The following MED21 variants were observed in gnomAD, a reference collection of about 807,000 sequenced individuals.
MED21 encodes the protein mediator of RNA polymerase II transcription subunit 21.
Under a neutral mutation model 18.2 loss-of-function variants are expected in MED21, and 9 were observed. The ratio of observed to expected loss-of-function variants is 0.49; its 90% CI spans 0.30 to 0.86. MED21 has a LOEUF of 0.86. Ranked by LOEUF, MED21 falls within the 40% of genes least tolerant of loss-of-function variation. MED21 has a pLI of 0.07. For missense variants in MED21, 150 were observed against 170.9 expected, an observed-to-expected ratio of 0.88 and a Z score of 0.68; for synonymous variants, 73 against 60.5, an observed-to-expected ratio of 1.21 and a Z score of -0.96.
intron 1 of MED21, among the ~76,000 whole-genome samples, chr12:27,024,913 A>G (rs1941523787): frequency 6.6e-6 from 1 of 152,224 alleles, no homozygotes. Flanking sequence ...AATAGGGGGA[A>G]TCTTCTTAGC....
intron 1 of MED21, among the ~76,000 whole-genome samples, chr12:27,026,170 A>G (rs1372599948): frequency 1.3e-5 from 2 of 152,248 alleles, no homozygotes; most frequent in African/African-American, 4.8e-5. Flanking sequence ...TTGTATTTCA[A>G]CTGTTTCAAC....
At chr12:27,030,967 G>A (rs1055732000), downstream of MED21, among the ~76,000 whole-genome samples, 54 of 152,308 alleles carry the variant, frequency 3.5e-4, no homozygotes, top group African/African-American at 1.1e-3. Flanking sequence ...GAGTGCAATG[G>A]CACGATCTTG....
downstream of MED21, among the ~76,000 whole-genome samples, chr12:27,034,821 G>A (rs1941639642): frequency 6.6e-6 from 1 of 152,088 alleles, no homozygotes; most frequent in Non-Finnish European, 1.5e-5. Context: ...CGTGATCTCG[G>A]CTCACTGCAA....
intron 1 of MED21, among the ~76,000 whole-genome samples, chr12:27,025,054 C>T (rs1452355856): frequency 6.6e-6 from 1 of 152,152 alleles, no homozygotes; most frequent in East Asian, 1.9e-4. Context: ...AGTTATTTTC[C>T]ATAAATTTTT....
chr12:27,023,192 C>G (rs11048819), intron 1 of MED21, among the ~76,000 whole-genome samples: 24,742 of 151,750 alleles, frequency 0.16, 2,332 homozygotes, highest in African/African-American at 0.26. Context: ...CCTTCCATCT[C>G]TTGCCTCTTG....
chr12:27,028,377 G>T lies in MED21; in HGVS notation c.351G>T (p.Lys117Asn). 1 of 1,614,162 alleles carries T rather than the reference G, an allele frequency of 6.2e-7. No homozygotes were observed. The highest frequency in any genetic ancestry group is 8.5e-7 in the Non-Finnish European group (1 of 1,180,002). ...VVYRGDMLLE[K>N]IQSALADIAQ... ...ATCGAGGAGACATGCTTCTGGAGAA[G>T]ATACAAAGCGCACTTGCTGATATTG... The change falls in exon 4 of 4, where the codon AAG (lysine) becomes AAT (asparagine). Residue 117 changes from lysine to asparagine, a missense_variant. Coordinates refer to ENST00000282892, the MANE Select transcript of MED21 (RefSeq NM_004264.5).
chr12:27,034,164 C>G (rs1198011349), downstream of MED21, among the ~76,000 whole-genome samples: 2 of 152,062 alleles, frequency 1.3e-5, no homozygotes, highest in Admixed American at 6.6e-5. Flanking sequence ...ACCTGTAGTC[C>G]CAGCACTTTG....
rs985316864 is a variant in MED21, at chr12:27,022,638, G to C, written c.42+17G>C. On this transcript the variant is annotated intron_variant, in intron 1 of 3. Coordinates refer to ENST00000282892, the MANE Select transcript of MED21 (RefSeq NM_004264.5). The stretch of plus-strand genomic sequence containing the variant: ...GTGAATTCGGTGAGGAATTTCATTC[G>C]ATTAGCCTCTGTCTTTCTCTTTCTT... 5.6e-6 allele frequency: 9 copies of C among 1,603,368 alleles called. No individual in the cohort carries two copies. In the African/African-American group the frequency reaches 1.2e-4, roughly 22 times the overall value.
chr12:27,028,265 A>C lies in MED21; in HGVS notation c.259-20A>C. On this transcript the variant is annotated intron_variant, in intron 3 of 3. Coordinates refer to ENST00000282892, the MANE Select transcript of MED21 (RefSeq NM_004264.5). Reference sequence around the variant, plus strand: ...TCTCTTTCTAAACTCTAAAGATTTTAAAATTTGTGTCTTATAAAGGCTGCT... The same window carrying C: ...TCTCTTTCTAAACTCTAAAGATTTTCAAATTTGTGTCTTATAAAGGCTGCT... The C allele has an allele frequency of 6.3e-7, 1 of 1,578,162 alleles. No homozygotes were observed. Among genetic ancestry groups the C allele is most frequent in the Non-Finnish European group, 8.6e-7 (1 of 1,161,086 alleles).
intron 1 of MED21, among the ~76,000 whole-genome samples, chr12:27,025,665 G>A (rs1442059750): frequency 6.6e-6 from 1 of 152,154 alleles, no homozygotes; most frequent in Non-Finnish European, 1.5e-5. Flanking sequence ...ATATTAAAAA[G>A]AGGAAACAGT....
chr12:27,037,533 ATGCTT>A (rs1227722562), intron 2 of MED21: 1 of 152,200 alleles, frequency 6.6e-6, no homozygotes, highest in African/African-American at 2.4e-5. Flanking sequence ...TTCAAAGGGA[ATGCTT>A]CCAGTTTTTG....
At chr12:27,027,130 T>C (rs1255914007) in intron 2 of MED21, among the ~76,000 whole-genome samples, 2 of 152,152 alleles carry the variant, frequency 1.3e-5, no homozygotes, top group Admixed American at 6.5e-5. Context: ...GGTTTCACCA[T>C]GTTGGTCAGG....
At chr12:27,023,983 G>A (rs138404921) in intron 1 of MED21, among the ~76,000 whole-genome samples, 6 of 152,176 alleles carry the variant, frequency 3.9e-5, no homozygotes, top group Non-Finnish European at 2.9e-5. Flanking sequence ...ATCACCACAA[G>A]CACTAAGGAA....
At chr12:27,033,826 T>G (rs948394402), downstream of MED21, among the ~76,000 whole-genome samples, 4 of 152,108 alleles carry the variant, frequency 2.6e-5, no homozygotes, top group Admixed American at 2.6e-4. Context: ...GCATAGAAAC[T>G]TGTGGTATTC....
At chr12:27,032,629 C>T (rs1022422702), downstream of MED21, among the ~76,000 whole-genome samples, 7 of 152,202 alleles carry the variant, frequency 4.6e-5, no homozygotes, top group Non-Finnish European at 8.8e-5. Flanking sequence ...TAAGAAATCC[C>T]TCCTTCTTGT....
chr12:27,032,445 C>G (rs908530502), downstream of MED21, among the ~76,000 whole-genome samples: 1 of 152,256 alleles, frequency 6.6e-6, no homozygotes, highest in East Asian at 1.9e-4. Context: ...CCCCTATACA[C>G]AAATGCCAGC....
intron 1 of MED21, among the ~76,000 whole-genome samples, chr12:27,023,799 A>G (rs1941508145): frequency 6.7e-6 from 1 of 150,272 alleles, no homozygotes; most frequent in African/African-American, 2.4e-5. Context: ...TTTTGGCGAT[A>G]ACTTTTTTTT....
At chr12:27,035,395 C>A (rs1287068662), downstream of MED21, among the ~76,000 whole-genome samples, 1 of 139,892 alleles carries the variant, frequency 7.1e-6, no homozygotes, top group Non-Finnish European at 1.6e-5. Flanking sequence ...TTAAAAATAA[C>A]TAAATCTCTT....
downstream of MED21, among the ~76,000 whole-genome samples, chr12:27,033,243 C>A (rs2136495072): frequency 6.6e-6 from 1 of 152,150 alleles, no homozygotes; most frequent in East Asian, 1.9e-4. Flanking sequence ...GTTCTGAAGC[C>A]CGGGAAGTCA....
Sources: gnomAD v4.1 joint callset for allele counts (sites outside exome capture counted in the v4.1 genomes callset) on GRCh38, gnomAD v4.1.1 for gene constraint, MANE v1.5 for transcripts, NCBI Gene and HGNC (gene_info 2026-07-23, HGNC 2026-07-21) for gene names.